Variants in LARP4B observed in about 807,000 individuals in gnomAD.
LARP4B encodes the protein la-related protein 4B.
Under a neutral mutation model 89.8 loss-of-function variants are expected in LARP4B, and 12 were observed. That is an observed-to-expected ratio of 0.13 (90% CI 0.09 to 0.22). The LOEUF is 0.22. Ranked by LOEUF, LARP4B falls within the 10% of genes least tolerant of loss-of-function variation. The pLI, the probability that LARP4B is intolerant of heterozygous loss-of-function variation, is 1.00. For missense variants in LARP4B, 757 were observed against 947.7 expected (o/e 0.80, Z 2.64); for synonymous variants, 367 against 363.3 (o/e 1.01, Z -0.12).
Position 920,164 on chromosome 10 carries a change from C to T in LARP4B, c.-40+11264G>A, listed in dbSNP as rs115289566. On this transcript the variant is annotated intron_variant, in intron 1 of 17. Transcript: ENST00000316157. ...GGAGGGTGCGCCTTAACAGCGACCACAGTAAACTCTGCAATTACAGTGCAA... is the reference window on the plus strand; with the variant it reads ...GGAGGGTGCGCCTTAACAGCGACCATAGTAAACTCTGCAATTACAGTGCAA... Among the ~76,000 whole-genome samples the T allele has an allele frequency of 2.8e-3, 419 of 152,340 alleles. 2 individuals carry two copies. Among genetic ancestry groups the T allele is most frequent in the African/African-American group, 9.7e-3 (402 of 41,578 alleles).
the LARP4B span, among the ~76,000 whole-genome samples, chr10:983,971 T>C: frequency 6.6e-6 from 1 of 152,260 alleles, no homozygotes; most frequent in Non-Finnish European, 1.5e-5. Flanking sequence ...AGCTTACTAT[T>C]AGTCTAGAAG....
At chr10:881,473 T>C (rs527288836) in intron 3 of LARP4B, among the ~76,000 whole-genome samples, 2 of 152,272 alleles carry the variant, frequency 1.3e-5, no homozygotes, top group African/African-American at 4.8e-5. Flanking sequence ...TCCCTGCCTC[T>C]ATCTCCACCC....
At chr10:813,612 A>G (rs1831859019) in intron 17 of LARP4B, among the ~76,000 whole-genome samples, 1 of 152,206 alleles carries the variant, frequency 6.6e-6, no homozygotes, top group African/African-American at 2.4e-5. Context: ...ACGGTACTCA[A>G]CCCTGAAAGG....
chr10:834,806 T>C (rs1833106718), intron 8 of LARP4B, among the ~76,000 whole-genome samples: 1 of 152,186 alleles, frequency 6.6e-6, no homozygotes, highest in Admixed American at 6.5e-5. Context: ...GGATCTATGT[T>C]TTAAATATTA....
Position 852,371 on chromosome 10 carries a change from C to T in LARP4B, c.431-7316G>A, listed in dbSNP as rs77380717. ...TGAAAAACAATTAATACAATTCATC[C>T]GAACACACTAAAAAACAACAAATAT... On this transcript the variant is annotated intron_variant, in intron 5 of 17. Coordinates refer to ENST00000316157, the MANE Select transcript of LARP4B (RefSeq NM_015155.3). Among the ~76,000 whole-genome samples the T allele has an allele frequency of 6.1e-3, 933 of 152,240 alleles. 10 individuals carry two copies. Among genetic ancestry groups the T allele is most frequent in the African/African-American group, 0.021 (870 of 41,532 alleles).
At chr10:865,830 G>A (rs1449958442) in intron 3 of LARP4B, among the ~76,000 whole-genome samples, 1 of 152,206 alleles carries the variant, frequency 6.6e-6, no homozygotes, top group East Asian at 1.9e-4. Context: ...GCTTCTGGAG[G>A]AAGGGACAGG....
chr10:967,541 C>T, the LARP4B span, among the ~76,000 whole-genome samples: 89 of 152,230 alleles, frequency 5.8e-4, 1 homozygote, highest in East Asian at 0.015. Flanking sequence ...TTAAAAGAAA[C>T]GAGTTCCAGC....
At chr10:982,623 T>C in the LARP4B span, among the ~76,000 whole-genome samples, 2 of 152,258 alleles carry the variant, frequency 1.3e-5, no homozygotes, top group Admixed American at 1.3e-4. Context: ...TTTAAAGTTA[T>C]TAAAATTCTG....
chr10:899,320 G>A (rs1328836552), intron 1 of LARP4B, among the ~76,000 whole-genome samples: 1 of 152,094 alleles, frequency 6.6e-6, no homozygotes. Context: ...TGCTGTATGG[G>A]AGCCAAATAT....
chr10:875,889 C>CA (rs911531470), intron 3 of LARP4B, among the ~76,000 whole-genome samples: 1 of 152,018 alleles, frequency 6.6e-6, no homozygotes. Flanking sequence ...TCTTATAATG[C>CA]AAAAAATACT....
At chr10:849,242 T>A (rs970520561) in intron 5 of LARP4B, among the ~76,000 whole-genome samples, 1 of 152,178 alleles carries the variant, frequency 6.6e-6, no homozygotes, top group African/African-American at 2.4e-5. Flanking sequence ...TCAATCTTGG[T>A]TTCTGATATC....
intron 7 of LARP4B, among the ~76,000 whole-genome samples, chr10:836,738 A>G (rs1833242020): frequency 6.6e-6 from 1 of 152,230 alleles, no homozygotes; most frequent in Admixed American, 6.5e-5. Context: ...AAACAGCTCA[A>G]GCACTAAGAG....
In LARP4B at chr10:864,201, C is replaced by A. The variant is rs1424855385; in HGVS notation, c.211G>T (p.Glu71Ter). Residue 71 changes from glutamate to a stop codon, truncating the protein, a stop_gained, in exon 4 of 18, where the codon GAA (glutamate) becomes TAA (stop). Coordinates refer to ENST00000316157, the MANE Select transcript of LARP4B (RefSeq NM_015155.3). LOFTEE classifies it high-confidence loss of function. ...ACACCGTCAGCAGCACTGCTTGCTT[C>A]CAGATGTAACACAGGAGCCCCCCAC... ...EVWGAPVLHLEASSAADGVSA... is the reference protein window; with the variant it reads ...EVWGAPVLHL The A allele has an allele frequency of 6.2e-7, 1 of 1,614,098 alleles. No individual in the cohort carries two copies. The highest frequency in any genetic ancestry group is 8.5e-7 in the Non-Finnish European group (1 of 1,180,042).
chr10:822,201 G>A lies in LARP4B; in HGVS notation c.1485-1356C>T, dbSNP rs769853286. ...CAGAGCTAGGGATGCAACCAGATGA[G>A]AGTCTTCAGTGGGACAGGACTCAAC... is the stretch of plus-strand genomic sequence containing the variant. On this transcript the variant is annotated intron_variant, in intron 13 of 17. Coordinates refer to ENST00000316157, the MANE Select transcript of LARP4B (RefSeq NM_015155.3). The surrounding 1 kb of genome is among the most constrained non-coding windows in gnomAD (Gnocchi z 4.6). Among the ~76,000 whole-genome samples the A allele has an allele frequency of 6.6e-6, 1 of 152,258 alleles. No homozygotes were observed. The highest frequency in any genetic ancestry group is 1.5e-5 in the Non-Finnish European group (1 of 68,046).
chr10:828,387 T>G (rs1832730970), intron 11 of LARP4B, among the ~76,000 whole-genome samples: 1 of 152,248 alleles, frequency 6.6e-6, no homozygotes, highest in East Asian at 1.9e-4. Flanking sequence ...TTGGCATGTT[T>G]GACTTTTCCA....
chr10:900,327 C>G (rs1836300667), intron 1 of LARP4B, among the ~76,000 whole-genome samples: 2 of 144,148 alleles, frequency 1.4e-5, no homozygotes, highest in South Asian at 4.4e-4. Context: ...AGCCTGGCAA[C>G]AAGAACAAAA....
intron 13 of LARP4B, among the ~76,000 whole-genome samples, chr10:823,112 C>T (rs191970671): frequency 1.3e-5 from 2 of 152,362 alleles, no homozygotes; most frequent in Admixed American, 1.3e-4. Flanking sequence ...CGAAGGTCAG[C>T]TCTGGCTTCA....
At chr10:943,912 T>C in the LARP4B span, among the ~76,000 whole-genome samples, 49 of 152,080 alleles carry the variant, frequency 3.2e-4, no homozygotes, top group East Asian at 5.8e-4. Context: ...ACAGGCACCA[T>C]TGAAGCTCAC....
the LARP4B span, among the ~76,000 whole-genome samples, chr10:944,415 G>C: frequency 6.6e-6 from 1 of 152,156 alleles, no homozygotes; most frequent in Admixed American, 6.5e-5. Flanking sequence ...GGGGATCTTG[G>C]AGCTGGCAGA....
Sources: gnomAD v4.1 joint callset for allele counts (sites outside exome capture counted in the v4.1 genomes callset) on GRCh38, gnomAD v4.1.1 for gene constraint, Gnocchi (gnomAD v3.1) non-coding constraint, MANE v1.5 for transcripts, NCBI Gene and HGNC (gene_info 2026-07-23, HGNC 2026-07-21) for gene names.